The following ITGA9 variants were observed in gnomAD, a reference collection of about 807,000 sequenced individuals.
ITGA9 encodes the protein integrin subunit alpha 9.
Under a neutral mutation model 127.8 loss-of-function variants are expected in ITGA9, and 56 were observed. The ratio of observed to expected loss-of-function variants is 0.44; its 90% confidence interval spans 0.35 to 0.55. ITGA9 has a LOEUF of 0.55. ITGA9 is among the 20% of genes least tolerant of loss of function. The pLI, the probability that ITGA9 is intolerant of heterozygous loss-of-function variation, is 0.00. For missense variants in ITGA9, 1,196 were observed against 1,347.1 expected (o/e 0.89, Z 1.76); for synonymous variants, 508 against 514.5 (o/e 0.99, Z 0.17).
intron 18 of ITGA9, among the ~76,000 whole-genome samples, chr3:37,699,482 C>G (rs1013009979): frequency 1.3e-4 from 20 of 152,316 alleles, no homozygotes; most frequent in African/African-American, 4.8e-4. Context: ...ATCTCATAAT[C>G]CAGCCAGTTC....
intron 4 of ITGA9, among the ~76,000 whole-genome samples, chr3:37,489,467 T>C (rs1466788228): frequency 6.6e-6 from 1 of 152,230 alleles, no homozygotes; most frequent in Non-Finnish European, 1.5e-5. Flanking sequence ...AAAGATCTTT[T>C]CCCCTTTTAA....
chr3:37,510,864 A>G (rs1438892585), intron 8 of ITGA9, among the ~76,000 whole-genome samples: 2 of 152,106 alleles, frequency 1.3e-5, no homozygotes, highest in Non-Finnish European at 2.9e-5. Context: ...TCCTTCTACT[A>G]GTGTCTCCAA....
At chr3:37,579,611 G>A (rs1195149595) in intron 15 of ITGA9, among the ~76,000 whole-genome samples, 1 of 152,118 alleles carries the variant, frequency 6.6e-6, no homozygotes, top group Non-Finnish European at 1.5e-5. Flanking sequence ...GTTGAGTTTG[G>A]TTAAAAGGGA....
chr3:37,533,622 T>G (rs1365439719), intron 14 of ITGA9, among the ~76,000 whole-genome samples, 154 bp downstream of exon 14: 2 of 152,206 alleles, frequency 1.3e-5, no homozygotes, highest in African/African-American at 4.8e-5. Flanking sequence ...GTTCCTCCCC[T>G]TCTATTTCCT....
chr3:37,500,929 TGTCTATAGCTGAAA>T (rs1322580340), intron 5 of ITGA9, among the ~76,000 whole-genome samples: 1 of 152,216 alleles, frequency 6.6e-6, no homozygotes, highest in Non-Finnish European at 1.5e-5. Flanking sequence ...TTTGGAGTTT[TGTCTATAGCTGAAA>T]GATTTCCTCT....
At chr3:37,559,732 C>T (rs1183048129) in intron 15 of ITGA9, among the ~76,000 whole-genome samples, 1 of 152,126 alleles carries the variant, frequency 6.6e-6, no homozygotes, top group Non-Finnish European at 1.5e-5. Context: ...TTAAGGAAAA[C>T]CACACGGAGC....
intron 18 of ITGA9, among the ~76,000 whole-genome samples, chr3:37,708,183 C>G (rs1446142551): frequency 6.6e-6 from 1 of 152,154 alleles, no homozygotes; most frequent in East Asian, 1.9e-4. Context: ...CAGCTGGAAC[C>G]CAAATGTTGT....
intron 4 of ITGA9, among the ~76,000 whole-genome samples, chr3:37,492,550 G>A (rs1698684261): frequency 6.6e-6 from 1 of 152,246 alleles, no homozygotes; most frequent in African/African-American, 2.4e-5. Context: ...AGTTTGGGGA[G>A]GAGGCACTGA....
chr3:37,467,344 T>C (rs1698383612), intron 1 of ITGA9, among the ~76,000 whole-genome samples: 1 of 152,210 alleles, frequency 6.6e-6, no homozygotes, highest in African/African-American at 2.4e-5. Flanking sequence ...GTTAGAACCA[T>C]TGAGTACCTT....
intron 17 of ITGA9, 115 bp downstream of exon 17, chr3:37,653,905 T>C: frequency 1.3e-6 from 1 of 756,410 alleles, no homozygotes; most frequent in South Asian, 1.4e-5. Context: ...GTTGATGGGT[T>C]ACAGTAATAT....
intron 18 of ITGA9, among the ~76,000 whole-genome samples, chr3:37,698,370 G>T (rs1382650504): frequency 6.6e-6 from 1 of 152,124 alleles, no homozygotes; most frequent in African/African-American, 2.4e-5. Context: ...TTTGGCTTTT[G>T]TTGCCATTGC....
intron 16 of ITGA9, among the ~76,000 whole-genome samples, chr3:37,631,720 G>A (rs2125636500): frequency 6.6e-6 from 1 of 152,330 alleles, no homozygotes; most frequent in East Asian, 1.9e-4. Context: ...AACAGTTACA[G>A]AGGGGGCCAG....
intron 18 of ITGA9, among the ~76,000 whole-genome samples, chr3:37,709,197 A>G (rs1227546253): frequency 6.6e-6 from 1 of 152,250 alleles, no homozygotes; most frequent in Non-Finnish European, 1.5e-5. Context: ...TACCTGAGAC[A>G]TAGTAGCCTT....
At chr3:37,776,409 A>G (rs1243728403) in intron 23 of ITGA9, among the ~76,000 whole-genome samples, 3 of 152,224 alleles carry the variant, frequency 2.0e-5, no homozygotes, top group Non-Finnish European at 4.4e-5. Flanking sequence ...ACATTCTTGA[A>G]CAACTATATT....
intron 15 of ITGA9, among the ~76,000 whole-genome samples, chr3:37,627,673 A>G (rs1162928803): frequency 1.3e-5 from 2 of 152,132 alleles, no homozygotes; most frequent in African/African-American, 4.8e-5. Flanking sequence ...CATAGGACCA[A>G]TCTGGGTGAA....
At chr3:37,455,668 A>G (rs1698248246) in intron 1 of ITGA9, among the ~76,000 whole-genome samples, 1 of 152,224 alleles carries the variant, frequency 6.6e-6, no homozygotes. Flanking sequence ...TCTCTTCTCG[A>G]AGAAATTATT....
intron 15 of ITGA9, among the ~76,000 whole-genome samples, chr3:37,552,805 G>A (rs1055706889): frequency 9.9e-5 from 15 of 152,014 alleles, no homozygotes; most frequent in African/African-American, 2.4e-5. Flanking sequence ...ATCTGAGGTC[G>A]GGAGTTCAAG....
chr3:37,801,041 T>C (rs553148112), intron 26 of ITGA9, among the ~76,000 whole-genome samples: 40 of 152,306 alleles, frequency 2.6e-4, no homozygotes, highest in African/African-American at 9.4e-4. Flanking sequence ...GGCATGCGCC[T>C]GTAATCCCAG....
chr3:37,752,121 C>T (rs533878379), intron 23 of ITGA9, among the ~76,000 whole-genome samples: 7 of 152,226 alleles, frequency 4.6e-5, no homozygotes, highest in Non-Finnish European at 1.0e-4. Flanking sequence ...CTGGCACACC[C>T]TCTGCCTTAA....
Sources: gnomAD v4.1 joint callset for allele counts (sites outside exome capture counted in the v4.1 genomes callset) on GRCh38, gnomAD v4.1.1 for gene constraint, MANE v1.5 for transcripts, NCBI Gene and HGNC (gene_info 2026-07-23, HGNC 2026-07-21) for gene names.